The following SLC67A1 variants were observed in gnomAD, a reference collection of about 807,000 sequenced individuals.
SLC67A1 encodes solute carrier family 67 member 1, also known as solute carrier family 67 member A1.
chr11:2,903,265 G>A, the SLC67A1 span: 16 of 1,562,774 alleles, frequency 1.0e-5, no homozygotes, highest in African/African-American at 6.8e-5. Flanking sequence ...ACCCCTGCCC[G>A]GATCAACTGG....
chr11:2,922,631 G>C, the SLC67A1 span: 11 of 1,054,954 alleles, frequency 1.0e-5, no homozygotes, highest in South Asian at 1.7e-4. Flanking sequence ...GGGGTGGGCA[G>C]CCTAGGGTCT....
the SLC67A1 span, chr11:2,922,352 G>A: frequency 4.5e-6 from 7 of 1,563,622 alleles, no homozygotes; most frequent in Non-Finnish European, 5.2e-6. Flanking sequence ...CAGCAGTCAG[G>A]GTGGGGAGGG....
At chr11:2,914,953 C>T in the SLC67A1 span, 11 of 985,318 alleles carry the variant, frequency 1.1e-5, no homozygotes, top group African/African-American at 8.7e-5. Context: ...GTTCCCCTTC[C>T]CTGGCATTTT....
At chr11:2,911,750 G>A in the SLC67A1 span, among the ~76,000 whole-genome samples, 1 of 152,310 alleles carries the variant, frequency 6.6e-6, no homozygotes, top group African/African-American at 2.4e-5. Flanking sequence ...CCATGGTGCT[G>A]GAGCAGCTCA....
At chr11:2,909,906 GC>G in the SLC67A1 span, 1 of 561,076 alleles carries the variant, frequency 1.8e-6, no homozygotes, top group Non-Finnish European at 3.0e-6. Context: ...CCTGGATAGG[GC>G]CAGGTGATGT....
the SLC67A1 span, chr11:2,919,205 G>A: frequency 1.2e-6 from 1 of 800,010 alleles, no homozygotes; most frequent in Non-Finnish European, 2.2e-6. Flanking sequence ...CACCAGCCAG[G>A]GCCCAGACAC....
At chr11:2,918,305 C>T in the SLC67A1 span, among the ~76,000 whole-genome samples, 29 of 152,384 alleles carry the variant, frequency 1.9e-4, no homozygotes, top group East Asian at 2.9e-3. Flanking sequence ...TGGGCCCCCA[C>T]GGGCAGAGGG....
chr11:2,909,078 C>A, the SLC67A1 span: 1 of 998,692 alleles, frequency 1.0e-6, no homozygotes, highest in Non-Finnish European at 1.4e-6. Context: ...CGCCCCCGCC[C>A]TCCATCCCCA....
chr11:2,912,292 C>T, the SLC67A1 span, among the ~76,000 whole-genome samples: 1 of 152,200 alleles, frequency 6.6e-6, no homozygotes, highest in Non-Finnish European at 1.5e-5. Context: ...GGGGGCTCAC[C>T]GAAGGCAGTG....
the SLC67A1 span, chr11:2,922,685 G>GGGT: frequency 6.1e-6 from 3 of 494,390 alleles, no homozygotes; most frequent in African/African-American, 5.8e-5. Context: ...TGTGTGGGTT[G>GGGT]AGTGGAGTGG....
the SLC67A1 span, among the ~76,000 whole-genome samples, chr11:2,900,435 G>A: frequency 1.3e-5 from 2 of 151,930 alleles, no homozygotes; most frequent in Non-Finnish European, 2.9e-5. Flanking sequence ...GCTCACGCCT[G>A]TAATCCCAGC....
At chr11:2,908,168 G>T in the SLC67A1 span, 5 of 1,155,172 alleles carry the variant, frequency 4.3e-6, no homozygotes, top group Non-Finnish European at 6.5e-6. Flanking sequence ...CCCATCCAGG[G>T]ACCCCAGATT....
the SLC67A1 span, chr11:2,903,704 C>T: frequency 1.7e-6 from 1 of 601,664 alleles, no homozygotes; most frequent in Non-Finnish European, 2.9e-6. Context: ...TCAGTGCCAG[C>T]CCCGGGAGAA....
the SLC67A1 span, chr11:2,903,762 A>C: frequency 2.0e-6 from 1 of 508,342 alleles, no homozygotes; most frequent in African/African-American, 1.9e-5. Context: ...CACCTCCTCA[A>C]ACCTTCCTAG....
At chr11:2,922,176 G>A in the SLC67A1 span, 9 of 1,613,632 alleles carry the variant, frequency 5.6e-6, no homozygotes, top group African/African-American at 6.7e-5. Context: ...CCAGCGTGCT[G>A]GTCTTCATCG....
chr11:2,909,462 A>G, the SLC67A1 span: 3 of 1,345,456 alleles, frequency 2.2e-6, no homozygotes, highest in African/African-American at 5.1e-5. Context: ...GTCTGGCCCT[A>G]AGGGCTGGAC....
the SLC67A1 span, chr11:2,919,178 C>A: frequency 1.5e-6 from 1 of 665,518 alleles, no homozygotes; most frequent in East Asian, 2.7e-5. Flanking sequence ...GCATCACAGG[C>A]CCCTCCCTGA....
chr11:2,916,173 C>T, the SLC67A1 span: 211 of 157,190 alleles, frequency 1.3e-3, no homozygotes, highest in African/African-American at 4.1e-3. Flanking sequence ...CCCTTGCCCA[C>T]GCTGGGGAGG....
the SLC67A1 span, among the ~76,000 whole-genome samples, chr11:2,913,296 C>T: frequency 2.6e-5 from 4 of 152,184 alleles, no homozygotes; most frequent in African/African-American, 9.6e-5. Context: ...AGGCAGCAGG[C>T]CCCGCTGAGA....
Sources: allele counts gnomAD v4.1 joint callset (sites outside exome capture counted in the v4.1 genomes callset), GRCh38; gene constraint gnomAD v4.1.1; transcripts MANE v1.5; gene names NCBI Gene and HGNC (gene_info 2026-07-23, HGNC 2026-07-21).